The following SOX13 variants were observed in gnomAD, a reference collection of about 807,000 sequenced individuals.
SOX13 encodes SRY-box transcription factor 13.
In SOX13, 28 loss-of-function variants were observed where a neutral mutation model predicts 71.8. The ratio of observed to expected loss-of-function variants is 0.39; its 90% CI spans 0.29 to 0.53. SOX13 has a LOEUF of 0.53. SOX13 is among the 20% of genes least tolerant of loss of function. SOX13 has a pLI of 0.70. For missense variants in SOX13, 627 were observed against 810.3 expected (o/e 0.77, Z 2.75); for synonymous variants, 309 against 317.8 (o/e 0.97, Z 0.29).
chr1:204,107,799 A>G (rs1656501191), intron 1 of SOX13, among the ~76,000 whole-genome samples: 1 of 152,196 alleles, frequency 6.6e-6, no homozygotes, highest in Non-Finnish European at 1.5e-5. Context: ...GATACCAACT[A>G]AGGGCCAGTG....
chr1:204,097,413 C>T (rs1171244132), intron 1 of SOX13, among the ~76,000 whole-genome samples: 1 of 151,896 alleles, frequency 6.6e-6, no homozygotes, highest in African/African-American at 2.4e-5. Flanking sequence ...CTTATGAGGC[C>T]GGGCTCAGTG....
In SOX13 at chr1:204,124,866, G is replaced by A. The variant is rs762008868; in HGVS notation, c.1592+9G>A. On this transcript the variant is annotated intron_variant, in intron 13 of 13. Coordinates refer to ENST00000367204, the MANE Select transcript of SOX13 (RefSeq NM_005686.3). ...CAGAGCTACGTGATCCCGTGAGCAG[G>A]CCCCCCCGCAGGCAGCCAGGAGACT... is the stretch of plus-strand genomic sequence containing the variant. The A allele has an allele frequency of 2.1e-5, 33 of 1,550,472 alleles. No individual in the cohort carries two copies. The highest frequency in any genetic ancestry group is 3.9e-5 in the Admixed American group (2 of 51,654).
intron 7 of SOX13, 51 bp from the exon 8 acceptor site, chr1:204,121,849 C>T: frequency 7.9e-7 from 1 of 1,273,366 alleles, no homozygotes; most frequent in Non-Finnish European, 1.1e-6. Context: ...AGCAGGGTGT[C>T]TGCTGTTCTG....
intron 1 of SOX13, among the ~76,000 whole-genome samples, chr1:204,095,414 A>T (rs191722886): frequency 6.6e-6 from 1 of 152,120 alleles, no homozygotes; most frequent in African/African-American, 2.4e-5. Flanking sequence ...AAGGCCTTCT[A>T]GTTGGTCGGG....
chr1:204,097,091 G>A (rs924147548), intron 1 of SOX13, among the ~76,000 whole-genome samples: 2 of 152,274 alleles, frequency 1.3e-5, no homozygotes, highest in African/African-American at 4.8e-5. Context: ...GGGCAGGGGC[G>A]AGGTCCACTG....
chr1:204,080,801 A>G (rs16852773), intron 1 of SOX13, among the ~76,000 whole-genome samples: 8,375 of 152,006 alleles, frequency 0.055, 511 homozygotes, highest in African/African-American at 0.15. Context: ...AGGTTTTCAT[A>G]TAAGTCCACC....
At chr1:204,117,078 G>A in intron 5 of SOX13, 44 bp from the exon 6 acceptor site, 2 of 1,593,838 alleles carry the variant, frequency 1.3e-6, no homozygotes, top group Non-Finnish European at 1.7e-6. Flanking sequence ...GGGCACCAGG[G>A]CTAATGTCCG....
intron 1 of SOX13, among the ~76,000 whole-genome samples, chr1:204,101,864 C>T (rs767198561): frequency 2.6e-5 from 4 of 152,168 alleles, no homozygotes; most frequent in African/African-American, 7.2e-5. Flanking sequence ...TTGTTCATCA[C>T]GGCTGTGTGC....
At chr1:204,086,484 CATAGAGAAGGAGTTT>C (rs1353461881) in intron 1 of SOX13, among the ~76,000 whole-genome samples, 1 of 114,432 alleles carries the variant, frequency 8.7e-6, no homozygotes, top group Non-Finnish European at 1.9e-5. Flanking sequence ...TTCTATTTTT[CATAGAGAAGGAGTTT>C]ATCATGTTGG....
chr1:204,114,902 G>A (rs907352112), intron 4 of SOX13, among the ~76,000 whole-genome samples: 1 of 152,138 alleles, frequency 6.6e-6, no homozygotes, highest in Non-Finnish European at 1.5e-5. Flanking sequence ...GAGTCTAACC[G>A]CAAAATGAGC....
At chr1:204,083,630 C>CTAA (rs1203221525) in intron 1 of SOX13, among the ~76,000 whole-genome samples, 1 of 152,194 alleles carries the variant, frequency 6.6e-6, no homozygotes, top group Non-Finnish European at 1.5e-5. Flanking sequence ...CGGGGCCTTA[C>CTAA]TAATCCAAGA....
rs201294252 is a variant in SOX13, at chr1:204,117,755, G to C, written c.775+48G>C. 343 of 1,374,064 alleles carry C rather than the reference G, an allele frequency of 2.5e-4. 1 individual carries two copies. Among genetic ancestry groups the C allele is most frequent in the Admixed American group, 5.7e-5 (3 of 53,076 alleles). 85.1% of individuals were successfully genotyped at this position (1,374,064 alleles called of 1,614,324 possible). ...CACCACTGCGGCCAGCCTGTCCTGAGGTCAGGGAAAGCGCCCTGGAGCCAC... is the reference window on the plus strand; with the variant it reads ...CACCACTGCGGCCAGCCTGTCCTGACGTCAGGGAAAGCGCCCTGGAGCCAC... On this transcript the variant is annotated intron_variant, in intron 7 of 13. Coordinates refer to ENST00000367204, the MANE Select transcript of SOX13 (RefSeq NM_005686.3).
chr1:204,078,534 C>G (rs953464611), intron 1 of SOX13, among the ~76,000 whole-genome samples: 3 of 152,148 alleles, frequency 2.0e-5, no homozygotes, highest in African/African-American at 7.2e-5. Context: ...ATTTTTGTGC[C>G]CAGTGTTTGC....
rs1258216557 is a variant in SOX13, at chr1:204,123,894, T to C, written c.1375+90T>C. 2.0e-5 allele frequency: 29 copies of C among 1,429,470 alleles called. No individual in the cohort carries two copies. Among genetic ancestry groups the C allele is most frequent in the Non-Finnish European group, 2.7e-5 (28 of 1,033,378 alleles). 88.5% of individuals were successfully genotyped at this position (1,429,470 alleles called of 1,614,324 possible). A position where few individuals can be genotyped will look rare whatever the true frequency, so the allele number is the denominator to read the frequency against. Reference sequence around the variant, plus strand: ...TCAGGGCTTGCTTGGTGATATTCCATACTGTGTTGGACTCCAGTGGAATCT... The same window carrying C: ...TCAGGGCTTGCTTGGTGATATTCCACACTGTGTTGGACTCCAGTGGAATCT... On this transcript the variant is annotated intron_variant, in intron 12 of 13. Transcript: ENST00000367204. The surrounding 1 kb of genome is among the most constrained non-coding windows in gnomAD (Gnocchi z 5.0).
At chr1:204,117,772 T>C in intron 7 of SOX13, 65 bp downstream of exon 7, 1 of 1,026,978 alleles carries the variant, frequency 9.7e-7, no homozygotes, top group Non-Finnish European at 1.5e-6. Context: ...GAAAGCGCCC[T>C]GGAGCCACTC....
In SOX13 at chr1:204,124,532, T is replaced by C. The variant is rs1656877692; in HGVS notation, c.1376-109T>C. 4 of 870,004 alleles carry C rather than the reference T, an allele frequency of 4.6e-6. No individual in the cohort carries two copies. In the East Asian group the frequency reaches 1.1e-4, roughly 23 times the overall value. The allele number at this position is 870,004 out of a possible 1,614,324, so 53.9% of individuals were successfully genotyped here. A position where few individuals can be genotyped will look rare whatever the true frequency, so the allele number is the denominator to read the frequency against. On this transcript the variant is annotated intron_variant, in intron 12 of 13. Transcript: ENST00000367204. ...CCCTTGCTAAGTGCTTGCACATATA[T>C]TATCTTATGGACCCACCTGGGGATC...
At chr1:204,115,411 C>T (rs978076172) in intron 4 of SOX13, among the ~76,000 whole-genome samples, 1 of 149,704 alleles carries the variant, frequency 6.7e-6, no homozygotes, top group Non-Finnish European at 1.5e-5. Context: ...AATGGGAACC[C>T]CAGGGTATGG....
intron 1 of SOX13, among the ~76,000 whole-genome samples, chr1:204,089,272 C>T (rs376481665): frequency 3.3e-5 from 5 of 152,018 alleles, no homozygotes; most frequent in East Asian, 1.9e-4. Flanking sequence ...CGCTAGAGGA[C>T]GGTTTTAGCA....
chr1:204,123,911 G>A lies in SOX13; in HGVS notation c.1375+107G>A. 1.5e-6 allele frequency: 2 copies of A among 1,309,750 alleles called. No individual in the cohort carries two copies. Among genetic ancestry groups the A allele is most frequent in the Non-Finnish European group, 2.1e-6 (2 of 945,324 alleles). 81.1% of individuals were successfully genotyped at this position (1,309,750 alleles called of 1,614,324 possible). ...ATATTCCATACTGTGTTGGACTCCAGTGGAATCTGACGACAGGGGTGCAGG... is the reference window on the plus strand; with the variant it reads ...ATATTCCATACTGTGTTGGACTCCAATGGAATCTGACGACAGGGGTGCAGG... On this transcript the variant is annotated intron_variant, in intron 12 of 13. Coordinates refer to ENST00000367204, the MANE Select transcript of SOX13 (RefSeq NM_005686.3). This position sits in a 1 kb window ranked among gnomAD's most constrained non-coding sequence, Gnocchi z 5.0.
Sources: allele counts gnomAD v4.1 joint callset (sites outside exome capture counted in the v4.1 genomes callset), GRCh38; gene constraint gnomAD v4.1.1; non-coding constraint Gnocchi (gnomAD v3.1); transcripts MANE v1.5; gene names NCBI Gene and HGNC (gene_info 2026-07-23, HGNC 2026-07-21).